Variants in TECTA observed in about 807,000 individuals in gnomAD.
The protein encoded by TECTA is alpha-tectorin.
In TECTA, 128 loss-of-function variants were observed where a neutral mutation model predicts 216.8. The observed-to-expected ratio is 0.59, with a 90% CI of 0.51 to 0.68. The LOEUF is 0.68. TECTA is among the 30% of genes least tolerant of loss of function. TECTA has a pLI of 0.00. For missense variants in TECTA, 2,551 were observed against 2,786.2 expected (o/e 0.92, Z 1.90); for synonymous variants, 1,089 against 1,117.1 (o/e 0.97, Z 0.50).
intron 15 of TECTA, among the ~76,000 whole-genome samples, chr11:121,161,471 C>T (rs934099881): frequency 3.3e-5 from 5 of 151,564 alleles, no homozygotes; most frequent in African/African-American, 1.2e-4. Flanking sequence ...AGGCAAGGTT[C>T]AGTTCCTCCT....
intron 20 of TECTA, among the ~76,000 whole-genome samples, chr11:121,170,760 C>T (rs756956111): frequency 4.9e-4 from 75 of 152,000 alleles, no homozygotes; most frequent in Non-Finnish European, 9.3e-4. Context: ...ATCCTTTGCC[C>T]AGTTTTTAAA....
chr11:121,163,586 ACT>A (rs1947022335), intron 16 of TECTA, among the ~76,000 whole-genome samples: 5 of 152,202 alleles, frequency 3.3e-5, no homozygotes, highest in African/African-American at 1.2e-4. Flanking sequence ...GTACCCTAAA[ACT>A]TAAAGTATAA....
At chr11:121,121,002 C>T (rs1054541123) in intron 7 of TECTA, among the ~76,000 whole-genome samples, 2 of 152,188 alleles carry the variant, frequency 1.3e-5, no homozygotes, top group African/African-American at 4.8e-5. Flanking sequence ...GCCTTGGCGG[C>T]CTCTCCTCAG....
chr11:121,111,262 C>T (rs1946439047), intron 4 of TECTA, among the ~76,000 whole-genome samples: 1 of 152,140 alleles, frequency 6.6e-6, no homozygotes, highest in South Asian at 2.1e-4. Context: ...AGGGAACAGG[C>T]CGGGAGAGGC....
rs145790949 is a variant in TECTA, at chr11:121,189,970, C to G, written c.6367+90C>G. 1,140 of 1,029,560 alleles carry G rather than the reference C, an allele frequency of 1.1e-3. 10 individuals are homozygous for G. The East Asian group carries it at 0.025, about 22-fold the overall frequency. The allele number at this position is 1,029,560 out of a possible 1,614,324, so 63.8% of individuals were successfully genotyped here. On this transcript the variant is annotated intron_variant, in intron 23 of 23. Coordinates refer to ENST00000392793, the MANE Select transcript of TECTA (RefSeq NM_005422.4). ...GAGAAATTCAGATTTGAAGGCCACT[C>G]GGTCAGCAACTCTCCCTCGAAAACT...
chr11:121,144,078 C>T (rs940112673), intron 11 of TECTA, among the ~76,000 whole-genome samples: 6 of 152,184 alleles, frequency 3.9e-5, no homozygotes, highest in Non-Finnish European at 8.8e-5. Context: ...CCTTCACACT[C>T]ACGGCACAGG....
At chr11:121,156,059 C>T (rs932051554) in intron 13 of TECTA, among the ~76,000 whole-genome samples, 2 of 152,214 alleles carry the variant, frequency 1.3e-5, no homozygotes, top group Admixed American at 6.5e-5. Flanking sequence ...CCATTCTACT[C>T]CTGTAATAGC....
At chr11:121,160,809 G>T (rs929860276) in intron 15 of TECTA, among the ~76,000 whole-genome samples, 1 of 152,192 alleles carries the variant, frequency 6.6e-6, no homozygotes, top group Non-Finnish European at 1.5e-5. Flanking sequence ...TTAATGCTGG[G>T]TCTAATTGTG....
At chr11:121,171,752 C>T (rs1947114465) in intron 20 of TECTA, among the ~76,000 whole-genome samples, 1 of 152,034 alleles carries the variant, frequency 6.6e-6, no homozygotes, top group Non-Finnish European at 1.5e-5. Context: ...CTGATTTTTG[C>T]ATGTTGTTTT....
chr11:121,174,358 A>G (rs1331597259), intron 20 of TECTA, among the ~76,000 whole-genome samples: 2 of 151,674 alleles, frequency 1.3e-5, no homozygotes, highest in African/African-American at 2.4e-5. Context: ...ATTTTGAGAT[A>G]TGTCCCATCA....
At position 121,162,325 on chromosome 11, in the gene TECTA, T is replaced by C. The variant is rs778993034; in HGVS notation, c.5227T>C (p.Ser1743Pro). Residue 1743 changes from serine to proline, a missense_variant, in exon 16 of 24, where the codon TCC becomes CCC. This residue lies in a region of TECTA where 2,375 missense variants were observed against 2,563.9 expected (regional missense o/e 0.93). Coordinates refer to ENST00000392793, the MANE Select transcript of TECTA (RefSeq NM_005422.4). ...SLAAYGEACR[S>P]FGILSTEWIE... ...GGCCGCCTACGGGGAGGCCTGCCGC[T>C]CCTTCGGGATCCTTAGCACCGAGTG... 6.2e-7 allele frequency: 1 copy of C among 1,613,742 alleles called. No individual in the cohort carries two copies. The highest frequency in any genetic ancestry group is 2.2e-5 in the East Asian group (1 of 44,890).
intron 21 of TECTA, among the ~76,000 whole-genome samples, chr11:121,188,503 A>G (rs892930480): frequency 2.0e-5 from 3 of 152,132 alleles, no homozygotes; most frequent in East Asian, 1.9e-4. Context: ...TCAGGATACA[A>G]TGTATCCAGG....
intron 12 of TECTA, among the ~76,000 whole-genome samples, chr11:121,151,429 A>T (rs1383760975): frequency 2.0e-5 from 3 of 152,258 alleles, no homozygotes. Flanking sequence ...ATTTGAGGCT[A>T]AATGGAATGA....
chr11:121,111,018 T>C (rs1401896433), intron 4 of TECTA, among the ~76,000 whole-genome samples: 2 of 152,168 alleles, frequency 1.3e-5, no homozygotes, highest in Admixed American at 1.3e-4. Flanking sequence ...CCCTTCTGTA[T>C]AGAAACACAT....
intron 20 of TECTA, among the ~76,000 whole-genome samples, chr11:121,185,678 GAGT>G (rs1947279055): frequency 2.3e-5 from 1 of 44,054 alleles, no homozygotes; most frequent in East Asian, 9.7e-4. Context: ...CTTAATGAAT[GAGT>G]AGGGAAAGCA....
At position 121,129,882 on chromosome 11, in the gene TECTA, T is replaced by A; in HGVS notation, c.2612T>A (p.Leu871Gln). Residue 871 changes from leucine (L) to glutamine (Q), a missense_variant, in exon 10 of 24, where the codon CTG becomes CAG. Around this residue, in one of 3 missense-constraint regions of TECTA, gnomAD observed 2,375 missense variants for 2,563.9 expected, o/e 0.93. Coordinates refer to ENST00000392793, the MANE Select transcript of TECTA (RefSeq NM_005422.4). ...CCCAACGGCAAGTGCACGGACAACCTGGCAGTGTTCCTGGAAAGCTGGACA... is the reference window on the plus strand; with the variant it reads ...CCCAACGGCAAGTGCACGGACAACCAGGCAGTGTTCCTGGAAAGCTGGACA... ...CLPNGKCTDN[L>Q]AVFLESWTTF... The A allele has an allele frequency of 6.2e-7, 1 of 1,614,222 alleles. No homozygotes were observed. Among genetic ancestry groups the A allele is most frequent in the South Asian group, 1.1e-5 (1 of 91,082 alleles).
rs1946742981 is a variant in TECTA at position 121,137,568 on chromosome 11, G to C, written c.3089G>C (p.Cys1030Ser). The C allele has an allele frequency of 6.2e-7, 1 of 1,613,898 alleles. No individual in the cohort carries two copies. Among genetic ancestry groups the C allele is most frequent in the Non-Finnish European group, 8.5e-7 (1 of 1,179,990 alleles). ...GGCTATGCTCTACTGGGCAGCCAGT[G>C]TGTCACGCGGAGTGAGTGTGGCTGC... Reference protein sequence around the residue: ...DEGYALLGSQCVTRSECGCNF... With the variant: ...DEGYALLGSQSVTRSECGCNF... Residue 1030 changes from cysteine (C) to serine (S), a missense_variant, in exon 11 of 24, where the codon TGT becomes TCT. Cys to Ser is a moderately radical substitution (Grantham distance 112, BLOSUM62 -1). This residue lies in a region of TECTA where 2,375 missense variants were observed against 2,563.9 expected (regional missense o/e 0.93). Transcript: ENST00000392793.
intron 6 of TECTA, 97 bp from the exon 7 acceptor site, chr11:121,118,209 G>A: frequency 6.7e-7 from 1 of 1,497,262 alleles, no homozygotes; most frequent in South Asian, 1.2e-5. Context: ...TTCTTACGTG[G>A]ATTAAATGGT....
chr11:121,118,513 T>C lies in TECTA; in HGVS notation c.998T>C (p.Phe333Ser). The part of the protein sequence containing the change: ...VVFGEPHYHT[F>S]DGFLFHFQGS... ...TTTGGGGAGCCACACTACCACACTT[T>C]TGACGGCTTCCTCTTCCACTTCCAA... The change falls in exon 7 of 24, where the codon TTT (phenylalanine) becomes TCT (serine). Residue 333 changes from phenylalanine (F) to serine (S), a missense_variant. Coordinates refer to ENST00000392793, the MANE Select transcript of TECTA (RefSeq NM_005422.4). 1.2e-6 allele frequency: 2 copies of C among 1,614,182 alleles called. No homozygotes were observed. Among genetic ancestry groups the C allele is most frequent in the Non-Finnish European group, 1.7e-6 (2 of 1,180,024 alleles).
Sources: allele counts gnomAD v4.1 joint callset (sites outside exome capture counted in the v4.1 genomes callset), GRCh38; gene constraint gnomAD v4.1.1; regional missense constraint gnomAD v4.1.1; transcripts MANE v1.5; gene names NCBI Gene and HGNC (gene_info 2026-07-23, HGNC 2026-07-21).